Variants in BLOC1S5 observed in about 807,000 individuals in gnomAD.
The protein encoded by BLOC1S5 is biogenesis of lysosomal organelles complex 1 subunit 5, also known as biogenesis of lysosome-related organelles complex 1 subunit 5.
Under a neutral mutation model 24.3 loss-of-function variants are expected in BLOC1S5, and 27 were observed. The ratio of observed to expected loss-of-function variants is 1.11; its 90% confidence interval spans 0.82 to 1.53. BLOC1S5 has a LOEUF of 1.53. BLOC1S5 is among the 40% of genes most tolerant of loss of function. The pLI is 0.00. For missense variants in BLOC1S5, 239 were observed against 229.4 expected (o/e 1.04, Z -0.27); for synonymous variants, 84 against 74.5 (o/e 1.13, Z -0.66).
chr6:8,016,445 A>T (rs1328233914), intron 4 of BLOC1S5, among the ~76,000 whole-genome samples: 1 of 152,248 alleles, frequency 6.6e-6, no homozygotes, highest in African/African-American at 2.4e-5. Context: ...CAGATATTTT[A>T]AAACCAATTT....
Position 8,017,369 on chromosome 6 carries a change from C to A in BLOC1S5, c.385-1541G>T, listed in dbSNP as rs370340499. Reference sequence around the variant, plus strand: ...CTCCAGCCTGGGTAACAGAGCGAGACTCCGTCTCAAAAACAAACACACACA... The same window carrying A: ...CTCCAGCCTGGGTAACAGAGCGAGAATCCGTCTCAAAAACAAACACACACA... On this transcript the variant is annotated intron_variant, in intron 4 of 4. Transcript: ENST00000397457. 1.0e-3 allele frequency among the ~76,000 whole-genome samples: 139 copies of A among 134,144 alleles called. 1 individual carries two copies. Among genetic ancestry groups the A allele is most frequent in the African/African-American group, 3.7e-3 (134 of 35,888 alleles). 88.0% of individuals were successfully genotyped at this position (134,144 alleles called of 152,430 possible).
chr6:8,032,024 T>C (rs1443562250), intron 3 of BLOC1S5, among the ~76,000 whole-genome samples: 1 of 152,116 alleles, frequency 6.6e-6, no homozygotes, highest in Non-Finnish European at 1.5e-5. Context: ...TTCTAGAAGA[T>C]GACATTGGAA....
At chr6:8,037,286 T>C (rs531015194) in intron 3 of BLOC1S5, among the ~76,000 whole-genome samples, 7 of 152,220 alleles carry the variant, frequency 4.6e-5, no homozygotes, top group African/African-American at 1.7e-4. Flanking sequence ...AGTTGCAGGA[T>C]ACAAAATCAA....
At chr6:8,059,191 C>T (rs1246376053) in intron 2 of BLOC1S5, among the ~76,000 whole-genome samples, 8 of 152,186 alleles carry the variant, frequency 5.3e-5, no homozygotes, top group Non-Finnish European at 7.3e-5. Flanking sequence ...TTATGAATCT[C>T]TGTCCATAAT....
intron 4 of BLOC1S5, among the ~76,000 whole-genome samples, chr6:8,021,655 T>C (rs1762920279): frequency 6.7e-6 from 1 of 149,466 alleles, no homozygotes; most frequent in South Asian, 2.1e-4. Flanking sequence ...TGGATGGTGG[T>C]GATGGTTGAA....
chr6:8,064,147 C>G, intron 1 of BLOC1S5, 118 bp downstream of exon 1: 1 of 796,036 alleles, frequency 1.3e-6, no homozygotes, highest in Non-Finnish European at 1.9e-6. Context: ...CTCCCCCACC[C>G]GCACAAACGC....
intron 4 of BLOC1S5, among the ~76,000 whole-genome samples, chr6:8,023,571 C>T (rs9406076): frequency 0.27 from 41,302 of 150,824 alleles, 7,368 homozygotes; most frequent in East Asian, 0.72. Context: ...TCCTGGGTGA[C>T]GGAGTGAGAC....
At chr6:8,035,105 C>T (rs577710618) in intron 3 of BLOC1S5, among the ~76,000 whole-genome samples, 15 of 152,052 alleles carry the variant, frequency 9.9e-5, no homozygotes, top group South Asian at 6.2e-4. Flanking sequence ...GAAAACCAAA[C>T]GTCGTTATGT....
chr6:8,015,448 G>T lies in BLOC1S5; in HGVS notation c.*201C>A. ...CTCTTCATTCAAATAATCATATATA[G>T]GCACTTAAAGCTGGAAAAATGTGGC... is the stretch of plus-strand genomic sequence containing the variant. On this transcript the variant is annotated 3_prime_UTR_variant, in exon 5 of 5. Coordinates refer to ENST00000397457, the MANE Select transcript of BLOC1S5 (RefSeq NM_201280.3). 1 of 520,632 alleles carries T rather than the reference G, an allele frequency of 1.9e-6. No homozygotes were observed. The highest frequency in any genetic ancestry group is 3.4e-6 in the Non-Finnish European group (1 of 298,392). The allele number at this position is 520,632 out of a possible 1,614,324, so 32.3% of individuals were successfully genotyped here. A position where few individuals can be genotyped will look rare whatever the true frequency, so the allele number is the denominator to read the frequency against.
At chr6:8,021,824 C>T (rs558889656) in intron 4 of BLOC1S5, among the ~76,000 whole-genome samples, 26 of 152,214 alleles carry the variant, frequency 1.7e-4, no homozygotes, top group South Asian at 1.0e-3. Flanking sequence ...TCAAGATAAA[C>T]TTAGAAAATA....
intron 3 of BLOC1S5, among the ~76,000 whole-genome samples, chr6:8,036,689 A>G (rs1005821866): frequency 6.6e-6 from 1 of 152,184 alleles, no homozygotes; most frequent in Non-Finnish European, 1.5e-5. Flanking sequence ...CATTACCTCA[A>G]TATCAAAATC....
chr6:8,015,345 T>C lies in BLOC1S5; in HGVS notation c.*304A>G, dbSNP rs965940004. On this transcript the variant is annotated 3_prime_UTR_variant, in exon 5 of 5. Coordinates refer to ENST00000397457, the MANE Select transcript of BLOC1S5 (RefSeq NM_201280.3). ...CTTTCTAAGAAGTCTATACCTACAG[T>C]TCTCTGAGCTAATCAATGGAAAAGA... 4 of 271,014 alleles carry C rather than the reference T, an allele frequency of 1.5e-5. No individual in the cohort carries two copies. Among genetic ancestry groups the C allele is most frequent in the South Asian group, 1.9e-4 (2 of 10,638 alleles). The allele number at this position is 271,014 out of a possible 1,614,324, so 16.8% of individuals were successfully genotyped here. A position where few individuals can be genotyped will look rare whatever the true frequency, so the allele number is the denominator to read the frequency against.
At chr6:8,031,214 G>T (rs149416741) in intron 3 of BLOC1S5, among the ~76,000 whole-genome samples, 1 of 152,110 alleles carries the variant, frequency 6.6e-6, no homozygotes, top group Non-Finnish European at 1.5e-5. Flanking sequence ...TGATATTATC[G>T]TATACCTAAA....
intron 3 of BLOC1S5, among the ~76,000 whole-genome samples, chr6:8,036,193 A>G (rs1763478938): frequency 6.6e-6 from 1 of 152,168 alleles, no homozygotes; most frequent in African/African-American, 2.4e-5. Context: ...AATACAACAT[A>G]CCCAAATCTA....
intron 2 of BLOC1S5, among the ~76,000 whole-genome samples, chr6:8,043,145 G>A (rs1212062500): frequency 6.6e-6 from 1 of 152,150 alleles, no homozygotes; most frequent in Admixed American, 6.5e-5. Context: ...GTGGTTTTAG[G>A]AACCCCGAAA....
intron 1 of BLOC1S5, 54 bp from the exon 2 acceptor site, chr6:8,062,670 T>G: frequency 5.8e-6 from 7 of 1,211,342 alleles, no homozygotes; most frequent in Non-Finnish European, 8.3e-6. Flanking sequence ...GCATAATCTC[T>G]AGCTTGTTTT....
intron 2 of BLOC1S5, among the ~76,000 whole-genome samples, chr6:8,052,158 G>A (rs565287232): frequency 2.0e-5 from 3 of 151,690 alleles, no homozygotes; most frequent in South Asian, 2.1e-4. Context: ...TAGTAGGGAC[G>A]GGGTTTCACC....
intron 2 of BLOC1S5, among the ~76,000 whole-genome samples, chr6:8,044,358 G>C (rs1477536556): frequency 6.6e-6 from 1 of 151,392 alleles, no homozygotes; most frequent in Non-Finnish European, 1.5e-5. Context: ...CCACCCATGT[G>C]GAACTGTAAG....
intron 3 of BLOC1S5, among the ~76,000 whole-genome samples, chr6:8,026,692 C>T (rs9502675): frequency 0.23 from 34,836 of 152,044 alleles, 4,692 homozygotes; most frequent in African/African-American, 0.37. Flanking sequence ...ACTCCAATGA[C>T]AGATTGTCTA....
Sources: allele counts gnomAD v4.1 joint callset (sites outside exome capture counted in the v4.1 genomes callset), GRCh38; gene constraint gnomAD v4.1.1; transcripts MANE v1.5; gene names NCBI Gene and HGNC (gene_info 2026-07-23, HGNC 2026-07-21).